FNDC3B: variants seen among roughly 807,000 people sequenced by gnomAD.
FNDC3B encodes fibronectin type III domain containing 3B.
In FNDC3B, 12 loss-of-function variants were observed where a neutral mutation model predicts 151.5. The observed-to-expected ratio is 0.08, with a 90% CI of 0.05 to 0.13. The LOEUF is 0.13. Among genes scored for constraint, FNDC3B ranks in the 10% least tolerant of loss-of-function variants. The pLI is 1.00. For missense variants in FNDC3B, 1,214 were observed against 1,505.3 expected (o/e 0.81, Z 3.20); for synonymous variants, 528 against 549.0 (o/e 0.96, Z 0.54).
chr3:172,348,249 G>A (rs745762143), intron 21 of FNDC3B, among the ~76,000 whole-genome samples: 5 of 152,280 alleles, frequency 3.3e-5, no homozygotes, highest in African/African-American at 4.8e-5. Context: ...GATCAAATTC[G>A]TTATTATAAG....
At position 172,148,459 on chromosome 3, in the gene FNDC3B, G is replaced by C. The variant is rs1009053318; in HGVS notation, c.187+14913G>C. On this transcript the variant is annotated intron_variant, in intron 3 of 25. Transcript: ENST00000415807. ...TGGGAAAATTTTAAAGCATGAAACT[G>C]GTGAGAAAGGAAGTGACTCAGAATT... The C allele has an allele frequency of 1.3e-4, 20 of 152,046 alleles. 1 individual carries two copies. Among genetic ancestry groups the C allele is most frequent in the Admixed American group, 1.3e-3 (20 of 15,276 alleles). 9.4% of individuals were successfully genotyped at this position (152,046 alleles called of 1,614,324 possible). A position where few individuals can be genotyped will look rare whatever the true frequency, so the allele number is the denominator to read the frequency against.
chr3:172,249,420 CAG>C (rs1727949642), intron 5 of FNDC3B, among the ~76,000 whole-genome samples: 1 of 152,110 alleles, frequency 6.6e-6, no homozygotes, highest in Non-Finnish European at 1.5e-5. Context: ...TAAAATAACA[CAG>C]AGCAATAATG....
chr3:172,156,595 C>T (rs1265269590), intron 3 of FNDC3B, among the ~76,000 whole-genome samples: 1 of 152,152 alleles, frequency 6.6e-6, no homozygotes, highest in Non-Finnish European at 1.5e-5. Context: ...TAGCCAAGAT[C>T]TTCAACGTTT....
chr3:172,349,717 G>A (rs993619508), intron 21 of FNDC3B, among the ~76,000 whole-genome samples: 28 of 151,964 alleles, frequency 1.8e-4, no homozygotes, highest in African/African-American at 5.3e-4. Context: ...GTGCAGTGGC[G>A]CGATCTTGGC....
intron 3 of FNDC3B, among the ~76,000 whole-genome samples, chr3:172,149,820 T>G (rs995195385): frequency 4.0e-5 from 5 of 125,010 alleles, no homozygotes; most frequent in South Asian, 2.8e-4. Flanking sequence ...TTTTTTTTTT[T>G]TTTTTTTTTT....
At chr3:172,162,988 A>G (rs1354242277) in intron 3 of FNDC3B, among the ~76,000 whole-genome samples, 1 of 152,234 alleles carries the variant, frequency 6.6e-6, no homozygotes, top group African/African-American at 2.4e-5. Flanking sequence ...AGGAATAATT[A>G]ATAGCTGGGC....
In FNDC3B at chr3:172,278,693, G is replaced by A. The variant is rs534496259; in HGVS notation, c.791-7233G>A. On this transcript the variant is annotated intron_variant, in intron 6 of 25. Transcript: ENST00000415807. ...TGTAATCCCAGCACTTTGGGAGGCC[G>A]AGATGGGTGGATCACTTGAGGTCAG... is the stretch of plus-strand genomic sequence containing the variant. Among the ~76,000 whole-genome samples, 8 of 152,230 alleles carry A rather than the reference G, an allele frequency of 5.3e-5. No individual in the cohort carries two copies. The East Asian group carries it at 5.8e-4, about 11-fold the overall frequency.
intron 2 of FNDC3B, among the ~76,000 whole-genome samples, chr3:172,120,733 G>A (rs1369855747): frequency 6.6e-6 from 1 of 152,096 alleles, no homozygotes; most frequent in Non-Finnish European, 1.5e-5. Flanking sequence ...CAGCACTTTT[G>A]GGAGGCCGAG....
intron 1 of FNDC3B, among the ~76,000 whole-genome samples, chr3:172,101,962 C>A (rs968254822): frequency 1.2e-4 from 18 of 152,154 alleles, no homozygotes; most frequent in African/African-American, 4.3e-4. Context: ...GGAGGGGAAC[C>A]AAGCACTCCT....
intron 23 of FNDC3B, among the ~76,000 whole-genome samples, chr3:172,376,387 G>A (rs1576959049): frequency 6.6e-6 from 1 of 152,156 alleles, no homozygotes; most frequent in Admixed American, 6.5e-5. Flanking sequence ...ATTGTGGCAT[G>A]GCAGGAAAGC....
intron 8 of FNDC3B, among the ~76,000 whole-genome samples, chr3:172,297,592 A>G (rs992181463): frequency 6.6e-6 from 1 of 152,004 alleles, no homozygotes. Flanking sequence ...CTCCTGCCTC[A>G]GCCTCCTGAG....
chr3:172,289,768 G>A (rs778993828), intron 7 of FNDC3B, among the ~76,000 whole-genome samples: 11 of 152,204 alleles, frequency 7.2e-5, no homozygotes, highest in Non-Finnish European at 1.3e-4. Context: ...CTCCGCCAGC[G>A]TGTAAGGCAG....
intron 22 of FNDC3B, among the ~76,000 whole-genome samples, chr3:172,355,685 C>T (rs966564417): frequency 6.6e-6 from 1 of 152,220 alleles, no homozygotes; most frequent in African/African-American, 2.4e-5. Flanking sequence ...CACCTGTAGG[C>T]CGCAATTGGC....
chr3:172,163,120 A>T (rs1722858181), intron 3 of FNDC3B, among the ~76,000 whole-genome samples: 1 of 152,074 alleles, frequency 6.6e-6, no homozygotes, highest in South Asian at 2.1e-4. Flanking sequence ...TTTTTAAAAA[A>T]ATTAACTGGG....
intron 5 of FNDC3B, among the ~76,000 whole-genome samples, chr3:172,250,513 A>G (rs1728009584): frequency 6.6e-6 from 1 of 152,236 alleles, no homozygotes; most frequent in Non-Finnish European, 1.5e-5. Context: ...TATTCTGTCT[A>G]CAGGGATGAG....
At chr3:172,317,700 A>T (rs1343561202) in intron 11 of FNDC3B, among the ~76,000 whole-genome samples, 1 of 152,252 alleles carries the variant, frequency 6.6e-6, no homozygotes, top group Non-Finnish European at 1.5e-5. Context: ...TTGTTGATAT[A>T]AGTTTACCTA....
At chr3:172,372,888 G>T (rs1458962403) in intron 23 of FNDC3B, among the ~76,000 whole-genome samples, 2 of 152,210 alleles carry the variant, frequency 1.3e-5, no homozygotes, top group African/African-American at 4.8e-5. Flanking sequence ...CTACGAGGTA[G>T]ATGCTGTGCC....
At chr3:172,272,489 G>C (rs1279979734) in intron 6 of FNDC3B, among the ~76,000 whole-genome samples, 2 of 152,122 alleles carry the variant, frequency 1.3e-5, no homozygotes, top group Admixed American at 1.3e-4. Context: ...GGGCTGTAGT[G>C]GGGAGAAGGA....
In FNDC3B at chr3:172,295,173, A is replaced by G. The variant is rs76795288; in HGVS notation, c.850-190A>G. ...GGATTTGGATGAAAGTTGGCATTAT[A>G]AGGACAGATGTTGCAAGAACCATAT... On this transcript the variant is annotated intron_variant, in intron 7 of 25. Transcript: ENST00000415807. Among the ~76,000 whole-genome samples the G allele has an allele frequency of 2.0e-5, 3 of 152,358 alleles. No individual in the cohort carries two copies. In the East Asian group the frequency reaches 5.8e-4, roughly 29 times the overall value.
Sources: gnomAD v4.1 joint callset for allele counts (sites outside exome capture counted in the v4.1 genomes callset) on GRCh38, gnomAD v4.1.1 for gene constraint, MANE v1.5 for transcripts, NCBI Gene and HGNC (gene_info 2026-07-23, HGNC 2026-07-21) for gene names.